Variants in MGAT5 observed in about 807,000 individuals in gnomAD.
MGAT5 encodes the protein alpha-1,6-mannosylglycoprotein 6-beta-N-acetylglucosaminyltransferase.
In MGAT5, 30 loss-of-function variants were observed where a neutral mutation model predicts 94.3. The ratio of observed to expected loss-of-function variants is 0.32; its 90% confidence interval spans 0.24 to 0.43. The LOEUF is 0.43. Among genes scored for constraint, MGAT5 ranks in the 20% least tolerant of loss-of-function variants. The pLI, the probability that MGAT5 is intolerant of heterozygous loss-of-function variation, is 1.00. For missense variants in MGAT5, 691 were observed against 905.5 expected, an observed-to-expected ratio of 0.76 and a Z score of 3.04; for synonymous variants, 310 against 322.9, an observed-to-expected ratio of 0.96 and a Z score of 0.43.
intron 1 of MGAT5, among the ~76,000 whole-genome samples, chr2:134,184,853 G>T (rs1201867471): frequency 6.6e-6 from 1 of 152,146 alleles, no homozygotes; most frequent in East Asian, 1.9e-4. Flanking sequence ...ATGCAAGGCT[G>T]GCCAGAGCGG....
intron 2 of MGAT5, among the ~76,000 whole-genome samples, chr2:134,298,604 A>G (rs968559126): frequency 6.6e-6 from 1 of 152,176 alleles, no homozygotes; most frequent in Non-Finnish European, 1.5e-5. Flanking sequence ...TCATAATTCA[A>G]CATCAACTAA....
chr2:134,402,346 C>T (rs1683103735), intron 10 of MGAT5, among the ~76,000 whole-genome samples: 1 of 152,196 alleles, frequency 6.6e-6, no homozygotes, highest in South Asian at 2.1e-4. Context: ...TGTTTCAGGG[C>T]TCATCAAAAT....
chr2:134,230,995 AC>A (rs1392682023), intron 1 of MGAT5, among the ~76,000 whole-genome samples: 1 of 152,202 alleles, frequency 6.6e-6, no homozygotes, highest in Non-Finnish European at 1.5e-5. Flanking sequence ...ACAACATTGG[AC>A]CTTGTGAAAG....
chr2:134,200,969 A>G (rs1057090477), intron 1 of MGAT5, among the ~76,000 whole-genome samples: 1 of 151,654 alleles, frequency 6.6e-6, no homozygotes, highest in Non-Finnish European at 1.5e-5. Flanking sequence ...CCTGATTGCT[A>G]TGTGACACGA....
intron 6 of MGAT5, among the ~76,000 whole-genome samples, chr2:134,339,849 C>G (rs187579453): frequency 6.6e-6 from 1 of 152,284 alleles, no homozygotes; most frequent in Non-Finnish European, 1.5e-5. Flanking sequence ...CTTCAGAACA[C>G]AGTAAACTGT....
At chr2:134,313,268 C>T (rs967092157) in intron 2 of MGAT5, among the ~76,000 whole-genome samples, 6 of 152,156 alleles carry the variant, frequency 3.9e-5, no homozygotes, top group African/African-American at 1.4e-4. Flanking sequence ...TGTGACATCT[C>T]GTGCTGCTTC....
chr2:134,300,783 T>C (rs1685969277), intron 2 of MGAT5, among the ~76,000 whole-genome samples: 1 of 152,166 alleles, frequency 6.6e-6, no homozygotes, highest in African/African-American at 2.4e-5. Context: ...GTGAAGGTCG[T>C]TGGCAAAGGG....
In MGAT5 at chr2:134,448,031, A is replaced by C. The variant is rs781739349; in HGVS notation, c.2028-618A>C. Reference sequence around the variant, plus strand: ...TTCTGTCTGATAGCTTTCCAGCAAGAGGCTAAGGCCATATAACAGGAATTC... The same window carrying C: ...TTCTGTCTGATAGCTTTCCAGCAAGCGGCTAAGGCCATATAACAGGAATTC... On this transcript the variant is annotated intron_variant, in intron 15 of 15. Transcript: ENST00000281923. 1.2e-3 allele frequency among the ~76,000 whole-genome samples: 189 copies of C among 152,390 alleles called. 2 individuals carry two copies. The highest frequency in any genetic ancestry group is 2.1e-3 in the Non-Finnish European group (144 of 68,044).
intron 2 of MGAT5, among the ~76,000 whole-genome samples, chr2:134,287,178 T>C (rs1300110181): frequency 6.6e-6 from 1 of 152,220 alleles, no homozygotes; most frequent in Non-Finnish European, 1.5e-5. Context: ...ATCTTATGGC[T>C]GTATTTTCTG....
intron 1 of MGAT5, among the ~76,000 whole-genome samples, chr2:134,228,320 A>C (rs76938712): frequency 2.6e-5 from 4 of 152,238 alleles, no homozygotes; most frequent in Non-Finnish European, 4.4e-5. Flanking sequence ...AAATGCTTAG[A>C]GTCTGCCCTT....
chr2:134,356,054 T>G (rs1397026755), intron 9 of MGAT5, among the ~76,000 whole-genome samples: 1 of 152,240 alleles, frequency 6.6e-6, no homozygotes, highest in African/African-American at 2.4e-5. Context: ...TATTTTATTT[T>G]ATTTTATTTA....
chr2:134,307,170 T>C (rs975534214), intron 2 of MGAT5, among the ~76,000 whole-genome samples: 2 of 152,070 alleles, frequency 1.3e-5, no homozygotes, highest in Non-Finnish European at 2.9e-5. Context: ...AAAGAGACTA[T>C]TTAAGAAAAG....
intron 14 of MGAT5, among the ~76,000 whole-genome samples, chr2:134,429,001 G>A (rs1266426136): frequency 2.0e-5 from 3 of 152,130 alleles, no homozygotes; most frequent in African/African-American, 7.2e-5. Context: ...AGAAGTAAAG[G>A]CCAGGAGCCT....
chr2:134,363,498 C>T (rs888750800), intron 10 of MGAT5, among the ~76,000 whole-genome samples: 1 of 152,186 alleles, frequency 6.6e-6, no homozygotes, highest in Admixed American at 6.5e-5. Context: ...TACAGTAGTT[C>T]TCAACTGCAG....
intron 15 of MGAT5, among the ~76,000 whole-genome samples, chr2:134,445,393 G>T (rs1040889076): frequency 6.6e-6 from 1 of 151,982 alleles, no homozygotes; most frequent in Non-Finnish European, 1.5e-5. Context: ...GAGCTGGAAT[G>T]AACAGAGCCC....
chr2:134,390,913 T>A (rs1425884063), intron 10 of MGAT5, among the ~76,000 whole-genome samples: 1 of 152,210 alleles, frequency 6.6e-6, no homozygotes, highest in African/African-American at 2.4e-5. Flanking sequence ...TTCTTTAGCA[T>A]CTTTTATGCC....
intron 2 of MGAT5, among the ~76,000 whole-genome samples, chr2:134,315,189 G>A (rs570561789): frequency 7.4e-4 from 112 of 152,252 alleles, no homozygotes; most frequent in Non-Finnish European, 1.3e-3. Context: ...ACACCACCAT[G>A]TCAGTAGCCT....
chr2:134,161,294 C>T (rs1573769540), intron 1 of MGAT5, among the ~76,000 whole-genome samples: 1 of 152,158 alleles, frequency 6.6e-6, no homozygotes, highest in African/African-American at 2.4e-5. Flanking sequence ...TTGCCAAGGC[C>T]GTGGGGCTAG....
chr2:134,273,039 G>A (rs1684132023), intron 2 of MGAT5, among the ~76,000 whole-genome samples: 1 of 149,048 alleles, frequency 6.7e-6, no homozygotes, highest in African/African-American at 2.5e-5. Flanking sequence ...GCGTGCGCGT[G>A]CATGCATGCA....
Sources: allele counts gnomAD v4.1 joint callset (sites outside exome capture counted in the v4.1 genomes callset), GRCh38; gene constraint gnomAD v4.1.1; transcripts MANE v1.5; gene names NCBI Gene and HGNC (gene_info 2026-07-23, HGNC 2026-07-21).